The following PRKX variants were observed in gnomAD, a reference collection of about 807,000 sequenced individuals.
PRKX encodes the protein cAMP-dependent protein kinase catalytic subunit PRKX.
PRKX carries 12 observed loss-of-function variants against 22.0 expected under a neutral mutation model. The ratio of observed to expected loss-of-function variants is 0.54; its 90% CI spans 0.35 to 0.88. PRKX has a LOEUF of 0.88. Ranked by LOEUF, PRKX falls within the 40% of genes least tolerant of loss-of-function variation. PRKX has a pLI of 0.01. For synonymous variants in PRKX, 134 were observed against 137.7 expected, an observed-to-expected ratio of 0.97 and a Z score of 0.19; for missense variants, 217 against 308.0, an observed-to-expected ratio of 0.70 and a Z score of 2.21.
intron 6 of PRKX, 65 bp from the exon 7 acceptor site, chrX:3,615,957 C>T: frequency 1.1e-6 from 1 of 935,844 alleles, no homozygotes; most frequent in Admixed American, 2.4e-5. Flanking sequence ...AGAAAAATAC[C>T]CCAAAGAATC....
intron 6 of PRKX, among the ~76,000 whole-genome samples, chrX:3,617,286 C>T (rs1488041785): frequency 1.8e-5 from 2 of 109,442 alleles, no homozygotes; most frequent in Admixed American, 1.0e-4. Context: ...ATGTAGAGTA[C>T]AAAGTATATG....
chrX:3,663,467 CAAAAAA>C (rs60160617), intron 2 of PRKX, among the ~76,000 whole-genome samples: 1 of 82,961 alleles, frequency 1.2e-5, no homozygotes, highest in Non-Finnish European at 2.2e-5. Flanking sequence ...CACACACACA[CAAAAAA>C]ATTCAATTAG....
In PRKX at chrX:3,605,980, G is replaced by C. The variant is rs1603472601; in HGVS notation, c.*2989C>G. 1 of 112,437 alleles carries C rather than the reference G, an allele frequency of 8.9e-6. No homozygotes were observed. The highest frequency in any genetic ancestry group is 3.7e-4 in the South Asian group (1 of 2,722). 9.3% of individuals were successfully genotyped at this position (112,437 alleles called of 1,213,427 possible). A position where few individuals can be genotyped will look rare whatever the true frequency, so the allele number is the denominator to read the frequency against. On this transcript the variant is annotated 3_prime_UTR_variant, in exon 9 of 9. Transcript: ENST00000262848. ...CAGTAGAGACAGTGTATACTATTTG[G>C]TTGTGACTTTATTTCCTTCCTGGCT...
Position 3,605,869 on chromosome X carries a change from G to C in PRKX, c.*3100C>G, listed in dbSNP as rs1338919430. On this transcript the variant is annotated 3_prime_UTR_variant, in exon 9 of 9. Coordinates refer to ENST00000262848, the MANE Select transcript of PRKX (RefSeq NM_005044.5). ...TGCTTCTTATTCTATCATGCTGACA[G>C]CAAATATAATTTGCCCATCGCTGGC... is the stretch of plus-strand genomic sequence containing the variant. 1.8e-5 allele frequency: 2 copies of C among 112,183 alleles called. No homozygotes were observed. The highest frequency in any genetic ancestry group is 3.8e-5 in the Non-Finnish European group (2 of 53,288). 9.2% of individuals were successfully genotyped at this position (112,183 alleles called of 1,213,427 possible).
At chrX:3,647,941 A>G (rs1927224858) in intron 3 of PRKX, among the ~76,000 whole-genome samples, 1 of 111,080 alleles carries the variant, frequency 9.0e-6, no homozygotes, top group African/African-American at 3.3e-5. Flanking sequence ...GATTTGGAAG[A>G]ATCTAGGGCC....
At chrX:3,691,492 C>T in intron 1 of PRKX, among the ~76,000 whole-genome samples, 1 of 49,411 alleles carries the variant, frequency 2.0e-5, no homozygotes, top group South Asian at 1.0e-3. Flanking sequence ...TCGACCATTA[C>T]ACTTATAAAA....
At chrX:3,630,430 G>T (rs906413655) in intron 4 of PRKX, among the ~76,000 whole-genome samples, 5 of 111,180 alleles carry the variant, frequency 4.5e-5, no homozygotes, top group African/African-American at 1.3e-4. Context: ...CGTGGTGGCG[G>T]GCGCCTGTAA....
chrX:3,647,069 T>C (rs1466007875), intron 3 of PRKX, among the ~76,000 whole-genome samples: 1 of 111,214 alleles, frequency 9.0e-6, no homozygotes, highest in Non-Finnish European at 1.9e-5. Flanking sequence ...AGGTCTAAAG[T>C]AACTAGAAAG....
intron 3 of PRKX, among the ~76,000 whole-genome samples, chrX:3,649,849 G>GAA (rs1433637181): frequency 1.0e-5 from 1 of 100,334 alleles, no homozygotes; most frequent in African/African-American, 3.7e-5. Flanking sequence ...AGGAAGGAAG[G>GAA]GAGGGAGAGG....
At chrX:3,663,590 C>T (rs1927657593) in intron 2 of PRKX, among the ~76,000 whole-genome samples, 1 of 98,685 alleles carries the variant, frequency 1.0e-5, no homozygotes, top group African/African-American at 3.9e-5. Flanking sequence ...GATTGCACCA[C>T]TGCACTCCAG....
chrX:3,706,588 C>T (rs1206087985), intron 1 of PRKX, among the ~76,000 whole-genome samples: 1 of 112,211 alleles, frequency 8.9e-6, no homozygotes, highest in Non-Finnish European at 1.9e-5. Flanking sequence ...TGGGCTCAAG[C>T]GATTCTCATG....
At chrX:3,611,855 GAAC>G (rs1243123242) in intron 8 of PRKX, among the ~76,000 whole-genome samples, 1 of 111,182 alleles carries the variant, frequency 9.0e-6, no homozygotes, top group African/African-American at 3.3e-5. Context: ...AGGGTTTCTG[GAAC>G]AGGGACCAGA....
chrX:3,645,382 C>T (rs371144991), intron 3 of PRKX, among the ~76,000 whole-genome samples: 1 of 111,617 alleles, frequency 9.0e-6, no homozygotes, highest in African/African-American at 3.3e-5. Context: ...ACGCCTTCCG[C>T]CACACCTGCA....
intron 1 of PRKX, among the ~76,000 whole-genome samples, chrX:3,687,775 C>A (rs1237667821): frequency 1.8e-5 from 2 of 110,811 alleles, no homozygotes; most frequent in Non-Finnish European, 3.8e-5. Flanking sequence ...AGAAAAAAAA[C>A]CCCAAACAGG....
At chrX:3,645,358 T>C (rs919297446) in intron 3 of PRKX, among the ~76,000 whole-genome samples, 3 of 111,307 alleles carry the variant, frequency 2.7e-5, no homozygotes, top group African/African-American at 9.8e-5. Context: ...ATGACTCCTG[T>C]GTTCTTAATG....
intron 4 of PRKX, among the ~76,000 whole-genome samples, chrX:3,638,636 G>C (rs1419640528): frequency 8.9e-6 from 1 of 111,853 alleles, no homozygotes; most frequent in Non-Finnish European, 1.9e-5. Flanking sequence ...TCTCAGCAAA[G>C]AGTAATGGAA....
rs751704050 is a variant in PRKX, at chrX:3,621,843, C to T, written c.816-527G>A. 2.7e-5 allele frequency among the ~76,000 whole-genome samples: 3 copies of T among 111,384 alleles called. No individual in the cohort carries two copies. The South Asian group carries it at 1.2e-3, about 43-fold the overall frequency. ...TAAATAACAGACCATGTCAGAAGTACAGCAGGTGGGGAGGTTGGGCATACT... is the reference window on the plus strand; with the variant it reads ...TAAATAACAGACCATGTCAGAAGTATAGCAGGTGGGGAGGTTGGGCATACT... On this transcript the variant is annotated intron_variant, in intron 5 of 8. Coordinates refer to ENST00000262848, the MANE Select transcript of PRKX (RefSeq NM_005044.5).
At chrX:3,629,575 C>T (rs1926728283) in intron 4 of PRKX, among the ~76,000 whole-genome samples, 1 of 110,930 alleles carries the variant, frequency 9.0e-6, no homozygotes, top group Non-Finnish European at 1.9e-5. Context: ...TCTTTATATT[C>T]CTCATTCATG....
chrX:3,674,673 C>G lies in PRKX; in HGVS notation c.260G>C (p.Arg87Pro). 8.3e-7 allele frequency: 1 copy of G among 1,211,120 alleles called. No individual in the cohort carries two copies. Among genetic ancestry groups the G allele is most frequent in the Non-Finnish European group, 1.1e-6 (1 of 895,151 alleles). Reference protein sequence around the residue: ...LKVMSIPDVIRLKQEQHVHNE... With the variant: ...LKVMSIPDVIPLKQEQHVHNE... Reference sequence around the variant, plus strand: ...GTGTACGTGTTGCTCCTGCTTTAGGCGGATGACGTCGGGAATGCTCATCAC... The same window carrying G: ...GTGTACGTGTTGCTCCTGCTTTAGGGGGATGACGTCGGGAATGCTCATCAC... The change falls in exon 2 of 9, where the codon CGC (arginine) becomes CCC (proline). Residue 87 changes from arginine (R) to proline (P), a missense_variant. By Grantham distance (103) the Arg-to-Pro change is moderately radical. Coordinates refer to ENST00000262848, the MANE Select transcript of PRKX (RefSeq NM_005044.5).
Sources: gnomAD v4.1 joint callset for allele counts (sites outside exome capture counted in the v4.1 genomes callset) on GRCh38, gnomAD v4.1.1 for gene constraint, MANE v1.5 for transcripts, NCBI Gene and HGNC (gene_info 2026-07-23, HGNC 2026-07-21) for gene names.